TMEM168: variants seen among roughly 807,000 people sequenced by gnomAD.
TMEM168 encodes the protein transmembrane protein 168.
Under a neutral mutation model 53.2 loss-of-function variants are expected in TMEM168, and 40 were observed. The ratio of observed to expected loss-of-function variants is 0.75; its 90% confidence interval spans 0.58 to 0.98. TMEM168 has a LOEUF of 0.98. TMEM168 is among the 50% of genes least tolerant of loss of function. The pLI is 0.00. For synonymous variants in TMEM168, 282 were observed against 293.0 expected (o/e 0.96, Z 0.38); for missense variants, 771 against 828.8 (o/e 0.93, Z 0.86).
chr7:112,790,201 G>A lies in TMEM168; in HGVS notation c.-170C>T, dbSNP rs894735780. On this transcript the variant is annotated 5_prime_UTR_variant, in exon 1 of 5. Transcript: ENST00000312814. ...CACCAACGCGCTCTCCCAACCCTCG[G>A]AGTCAGTTCCAAAACCAAACCAAAA... is the stretch of plus-strand genomic sequence containing the variant. 1.3e-5 allele frequency: 2 copies of A among 152,852 alleles called. No homozygotes were observed. Among genetic ancestry groups the A allele is most frequent in the African/African-American group, 2.4e-5 (1 of 41,464 alleles). 9.5% of individuals were successfully genotyped at this position (152,852 alleles called of 1,614,324 possible).
chr7:112,785,062 C>T (rs1481063941), intron 1 of TMEM168, 109 bp from the exon 2 acceptor site: 1 of 334,360 alleles, frequency 3.0e-6, no homozygotes, highest in African/African-American at 2.1e-5. Context: ...AACTGAAATC[C>T]AGTTTACAAC....
intron 2 of TMEM168, among the ~76,000 whole-genome samples, chr7:112,777,235 TAA>T: frequency 6.6e-6 from 1 of 152,190 alleles, no homozygotes. Context: ...CATTATCCTC[TAA>T]AGGCTTTATT....
chr7:112,786,519 A>G (rs780073284), intron 1 of TMEM168, among the ~76,000 whole-genome samples: 4 of 152,244 alleles, frequency 2.6e-5, no homozygotes, highest in African/African-American at 4.8e-5. Flanking sequence ...AATGTTAAAG[A>G]AAATGTCTTC....
Position 112,783,904 on chromosome 7 carries a change from A to AC in TMEM168, c.921_922insG (p.Cys308ValfsTer18). Reference sequence around the variant, plus strand: ...AGAGTTAAAAGAAAAATAATATGACAAATCATCCAGAAAATTCCAAAAATG... The same window carrying AC: ...AGAGTTAAAAGAAAAATAATATGACACAATCATCCAGAAAATTCCAAAAATG... On this transcript the variant is annotated frameshift_variant, in exon 2 of 5. Transcript: ENST00000312814. LOFTEE classifies it high-confidence loss of function. The AC allele has an allele frequency of 6.3e-7, 1 of 1,598,256 alleles. No individual in the cohort carries two copies. The highest frequency in any genetic ancestry group is 8.5e-7 in the Non-Finnish European group (1 of 1,175,922).
Position 112,767,047 on chromosome 7 carries a change from T to TAC in TMEM168, c.*148_*149dup. Reference sequence around the variant, plus strand: ...ATGTTTTTTCCCAACGCCTTATATATACCATAATTACTTAAGAAAAGACAA... The same window carrying TAC: ...ATGTTTTTTCCCAACGCCTTATATATACACCATAATTACTTAAGAAAAGACAA... On this transcript the variant is annotated 3_prime_UTR_variant, in exon 5 of 5. Transcript: ENST00000312814. 1.3e-6 allele frequency: 1 copy of TAC among 772,638 alleles called. No homozygotes were observed. The highest frequency in any genetic ancestry group is 2.0e-6 in the Non-Finnish European group (1 of 496,270). 47.9% of individuals were successfully genotyped at this position (772,638 alleles called of 1,614,324 possible).
At chr7:112,782,411 G>C (rs1793255535) in intron 2 of TMEM168, among the ~76,000 whole-genome samples, 1 of 152,136 alleles carries the variant, frequency 6.6e-6, no homozygotes, top group African/African-American at 2.4e-5. Flanking sequence ...CATCCAGCAT[G>C]AATGAGGCTG....
Position 112,775,232 on chromosome 7 carries a change from G to A in TMEM168, c.1215C>T (p.Asn405=), listed in dbSNP as rs1037787307. The A allele has an allele frequency of 1.9e-6, 3 of 1,613,618 alleles. No individual in the cohort carries two copies. In the African/African-American group the frequency reaches 4.0e-5, roughly 22 times the overall value. The part of the protein sequence containing the change: ...MAHGLFHELG[N]CLGGTSVGYA... The stretch of plus-strand genomic sequence containing the variant: ...ATCCAACAGATGTTCCTCCTAAACA[G>A]TTACCCAATTCATGGAAGAGCCCAT... The change falls in exon 3 of 5, where the codon AAC becomes AAT. Residue 405 remains asparagine, a synonymous_variant. Transcript: ENST00000312814.
chr7:112,769,693 A>C (rs912723689), intron 4 of TMEM168, among the ~76,000 whole-genome samples: 1 of 152,116 alleles, frequency 6.6e-6, no homozygotes, highest in African/African-American at 2.4e-5. Flanking sequence ...GCTAATATCC[A>C]TCTGATGCAT....
In TMEM168 at chr7:112,771,088, GC is replaced by G. The variant is rs1326893101; in HGVS notation, c.1546+1692del. ...AAGTAGCCATAAAGGTTAAAAAGAT[GC>G]TTTCTACGTTGTAATTAAAAAGTTA... is the stretch of plus-strand genomic sequence containing the variant. On this transcript the variant is annotated intron_variant, in intron 4 of 4. Coordinates refer to ENST00000312814, the MANE Select transcript of TMEM168 (RefSeq NM_022484.6). Among the ~76,000 whole-genome samples the G allele has an allele frequency of 2.0e-5, 3 of 152,150 alleles. No homozygotes were observed. The East Asian group carries it at 5.8e-4, about 29-fold the overall frequency.
At position 112,767,224 on chromosome 7, in the gene TMEM168, T is replaced by A; in HGVS notation, c.2067A>T (p.Gly689=). Residue 689 remains glycine, a synonymous_variant, in exon 5 of 5, where the codon GGA becomes GGT. Coordinates refer to ENST00000312814, the MANE Select transcript of TMEM168 (RefSeq NM_022484.6). ...SWFLPTVLDT[G]QGFKLVKS ...AAGATTTGACAAGTTTGAAGCCTTG[T>A]CCTGTGTCCAGCACAGTAGGAAGAA... 1 of 1,613,842 alleles carries A rather than the reference T, an allele frequency of 6.2e-7. No individual in the cohort carries two copies. The highest frequency in any genetic ancestry group is 8.5e-7 in the Non-Finnish European group (1 of 1,179,900).
Position 112,764,292 on chromosome 7 carries a change from A to G in TMEM168, c.*2905T>C, listed in dbSNP as rs1792720304. The G allele has an allele frequency of 6.6e-6, 1 of 152,014 alleles. No individual in the cohort carries two copies. Among genetic ancestry groups the G allele is most frequent in the Non-Finnish European group, 1.5e-5 (1 of 67,994 alleles). 9.4% of individuals were successfully genotyped at this position (152,014 alleles called of 1,614,324 possible). A position where few individuals can be genotyped will look rare whatever the true frequency, so the allele number is the denominator to read the frequency against. Reference sequence around the variant, plus strand: ...CAAATACTAAACAAAGTTATGTTGAAAAAATCTCCATGTTACCTCTTTTTA... The same window carrying G: ...CAAATACTAAACAAAGTTATGTTGAGAAAATCTCCATGTTACCTCTTTTTA... On this transcript the variant is annotated 3_prime_UTR_variant, in exon 5 of 5. Transcript: ENST00000312814.
chr7:112,781,248 C>T (rs917775036), intron 2 of TMEM168, among the ~76,000 whole-genome samples: 2 of 152,072 alleles, frequency 1.3e-5, no homozygotes, highest in African/African-American at 2.4e-5. Context: ...TACATGAACA[C>T]CACCACCAAC....
At chr7:112,779,878 G>A (rs1793183052) in intron 2 of TMEM168, among the ~76,000 whole-genome samples, 1 of 152,038 alleles carries the variant, frequency 6.6e-6, no homozygotes, top group Non-Finnish European at 1.5e-5. Flanking sequence ...TCTTGTATGA[G>A]TCACCTTATG....
chr7:112,781,562 G>T (rs957849825), intron 2 of TMEM168, among the ~76,000 whole-genome samples: 1 of 151,992 alleles, frequency 6.6e-6, no homozygotes, highest in Non-Finnish European at 1.5e-5. Flanking sequence ...TAGACATATA[G>T]GTCAATATAA....
intron 4 of TMEM168, among the ~76,000 whole-genome samples, chr7:112,770,733 T>C (rs1242806405): frequency 2.0e-5 from 3 of 152,158 alleles, no homozygotes; most frequent in Non-Finnish European, 4.4e-5. Flanking sequence ...CTTAATGAAT[T>C]TTAAATTACT....
rs771503032 is a variant in TMEM168, at chr7:112,784,457, G to C, written c.369C>G (p.Thr123=). The C allele has an allele frequency of 6.2e-7, 1 of 1,613,910 alleles. No homozygotes were observed. The highest frequency in any genetic ancestry group is 1.1e-5 in the South Asian group (1 of 91,036). ...SFKNDVKEES[T]KYLLLTSIVL... ...CTATGGATGTTAGAAGCAAATATTT[G>C]GTTGATTCTTCTTTTACATCATTTT... is the stretch of plus-strand genomic sequence containing the variant. Residue 123 remains threonine, a synonymous_variant, in exon 2 of 5, where the codon ACC becomes ACG. Coordinates refer to ENST00000312814, the MANE Select transcript of TMEM168 (RefSeq NM_022484.6).
At chr7:112,770,313 T>C (rs1183811533) in intron 4 of TMEM168, among the ~76,000 whole-genome samples, 1 of 152,194 alleles carries the variant, frequency 6.6e-6, no homozygotes, top group Non-Finnish European at 1.5e-5. Context: ...TGCTGAATTA[T>C]AAGATAAAAT....
intron 1 of TMEM168, among the ~76,000 whole-genome samples, chr7:112,785,680 T>C (rs1793359349): frequency 6.6e-6 from 1 of 152,156 alleles, no homozygotes; most frequent in South Asian, 2.1e-4. Flanking sequence ...CTAATAGTCA[T>C]TATAAAGTAA....
In TMEM168 at chr7:112,767,226, C is replaced by T. The variant is rs1223084984; in HGVS notation, c.2065G>A (p.Gly689Arg). ...GATTTGACAAGTTTGAAGCCTTGTC[C>T]TGTGTCCAGCACAGTAGGAAGAAAC... ...SWFLPTVLDT[G>R]QGFKLVKS Residue 689 changes from glycine to arginine, a missense_variant, in exon 5 of 5, where the codon GGA becomes AGA. Transcript: ENST00000312814. 1 of 1,613,832 alleles carries T rather than the reference C, an allele frequency of 6.2e-7. No homozygotes were observed. Among genetic ancestry groups the T allele is most frequent in the Non-Finnish European group, 8.5e-7 (1 of 1,179,864 alleles).
Sources: gnomAD v4.1 joint callset for allele counts (sites outside exome capture counted in the v4.1 genomes callset) on GRCh38, gnomAD v4.1.1 for gene constraint, MANE v1.5 for transcripts, NCBI Gene and HGNC (gene_info 2026-07-23, HGNC 2026-07-21) for gene names.